The following PRKAG2 variants were observed in gnomAD, a reference collection of about 807,000 sequenced individuals.
PRKAG2 encodes protein kinase AMP-activated non-catalytic subunit gamma 2, also known as 5'-AMP-activated protein kinase subunit gamma-2.
Under a neutral mutation model 69.6 loss-of-function variants are expected in PRKAG2, and 26 were observed. That is an observed-to-expected ratio of 0.37 (90% CI 0.27 to 0.52). The LOEUF (loss-of-function observed/expected upper bound fraction) is 0.52, where lower values mean the gene tolerates loss of function less well. Among genes scored for constraint, PRKAG2 ranks in the 20% least tolerant of loss-of-function variants. The pLI, the probability that PRKAG2 is intolerant of heterozygous loss-of-function variation, is 0.90. For synonymous variants in PRKAG2, 293 were observed against 285.0 expected (o/e 1.03, Z -0.28); for missense variants, 557 against 740.0 (o/e 0.75, Z 2.87).
chr7:151,857,695 C>G (rs2079820401), intron 1 of PRKAG2, among the ~76,000 whole-genome samples: 1 of 152,222 alleles, frequency 6.6e-6, no homozygotes, highest in African/African-American at 2.4e-5. Flanking sequence ...AGTCAGCTGC[C>G]ACCCACGCAT....
At chr7:151,862,877 G>A (rs901949472) in intron 1 of PRKAG2, among the ~76,000 whole-genome samples, 6 of 151,668 alleles carry the variant, frequency 4.0e-5, no homozygotes, top group African/African-American at 1.5e-4. Context: ...GGCACTGGTA[G>A]GTCTCTGGGT....
chr7:151,694,219 G>A (rs985398864), intron 3 of PRKAG2, among the ~76,000 whole-genome samples: 3 of 152,212 alleles, frequency 2.0e-5, no homozygotes, highest in Non-Finnish European at 2.9e-5. Context: ...GTATGATTAC[G>A]GCAGCCTAAA....
At chr7:151,564,504 C>T (rs1051662643) in intron 13 of PRKAG2, among the ~76,000 whole-genome samples, 1 of 152,156 alleles carries the variant, frequency 6.6e-6, no homozygotes, top group African/African-American at 2.4e-5. Context: ...AAAGACTGCC[C>T]CCCAATTTTT....
chr7:151,868,403 C>G (rs577849506), intron 1 of PRKAG2, among the ~76,000 whole-genome samples: 6 of 152,308 alleles, frequency 3.9e-5, no homozygotes, highest in Admixed American at 6.5e-5. Context: ...CTAAGAACTC[C>G]GTATGGTTAA....
In PRKAG2 at chr7:151,828,821, G is replaced by A. The variant is rs1231073419; in HGVS notation, c.115-42280C>T. On this transcript the variant is annotated intron_variant, in intron 1 of 15. Transcript: ENST00000287878. This position sits in a 1 kb window ranked among gnomAD's most constrained non-coding sequence, Gnocchi z 4.6. The stretch of plus-strand genomic sequence containing the variant: ...GGCTACTGAGGAGGCTGAGGTGGAA[G>A]GATCACTTAAGCTCAGGAGTTTGAG... 6.6e-6 allele frequency among the ~76,000 whole-genome samples: 1 copy of A among 152,116 alleles called. No individual in the cohort carries two copies. Among genetic ancestry groups the A allele is most frequent in the African/African-American group, 2.4e-5 (1 of 41,408 alleles).
At chr7:151,591,472 T>A (rs1035658739) in intron 6 of PRKAG2, among the ~76,000 whole-genome samples, 1 of 152,116 alleles carries the variant, frequency 6.6e-6, no homozygotes, top group Non-Finnish European at 1.5e-5. Context: ...GGGCAGAGCA[T>A]GAGGGACAGA....
At chr7:151,712,406 T>C (rs559966920) in intron 3 of PRKAG2, among the ~76,000 whole-genome samples, 16 of 152,342 alleles carry the variant, frequency 1.1e-4, no homozygotes, top group African/African-American at 3.8e-4. Flanking sequence ...GCAGTGACTC[T>C]ACACTCAGGA....
intron 3 of PRKAG2, among the ~76,000 whole-genome samples, chr7:151,712,013 C>T (rs567919858): frequency 1.3e-5 from 2 of 152,182 alleles, no homozygotes; most frequent in East Asian, 1.9e-4. Flanking sequence ...GGCTGTGTCT[C>T]GGGTGATGGA....
chr7:151,860,810 T>C (rs370293848), intron 1 of PRKAG2, among the ~76,000 whole-genome samples: 5 of 152,174 alleles, frequency 3.3e-5, no homozygotes, highest in African/African-American at 1.2e-4. Flanking sequence ...CAGGGAACAC[T>C]GTCTCCCCTT....
intron 3 of PRKAG2, among the ~76,000 whole-genome samples, chr7:151,695,075 G>T (rs960678023): frequency 1.3e-5 from 2 of 152,216 alleles, no homozygotes; most frequent in Admixed American, 1.3e-4. Flanking sequence ...TGTGCTGTTG[G>T]AGGAATCCTG....
Position 151,672,552 on chromosome 7 carries a change from G to A in PRKAG2, c.684+2868C>T, listed in dbSNP as rs1241271485. ...TAACTCATCTTTTCCCCTCCCCCCA[G>A]CCCCCGGTACCCACCATTCTACATT... On this transcript the variant is annotated intron_variant, in intron 4 of 15. Coordinates refer to ENST00000287878, the MANE Select transcript of PRKAG2 (RefSeq NM_016203.4). 2.0e-5 allele frequency among the ~76,000 whole-genome samples: 3 copies of A among 149,504 alleles called. No individual in the cohort carries two copies. The East Asian group carries it at 5.9e-4, about 29-fold the overall frequency.
rs1233369684 is a variant in PRKAG2, at chr7:151,814,914, A to ACT, written c.115-28374_115-28373insAG. ...CCAGCAGGAGGGAGGGCTGGACCGG[A>ACT]GCTTTTAAAAAGACAGGCAGCAGGA... On this transcript the variant is annotated intron_variant, in intron 1 of 15. Coordinates refer to ENST00000287878, the MANE Select transcript of PRKAG2 (RefSeq NM_016203.4). This position sits in a 1 kb window ranked among gnomAD's most constrained non-coding sequence, Gnocchi z 4.8. 2.8e-5 allele frequency: 34 copies of ACT among 1,223,112 alleles called. No homozygotes were observed. Among genetic ancestry groups the ACT allele is most frequent in the Non-Finnish European group, 3.2e-5 (31 of 980,664 alleles). 75.8% of individuals were successfully genotyped at this position (1,223,112 alleles called of 1,614,324 possible). A position where few individuals can be genotyped will look rare whatever the true frequency, so the allele number is the denominator to read the frequency against.
chr7:151,859,812 C>T (rs1004266812), intron 1 of PRKAG2, among the ~76,000 whole-genome samples: 2 of 152,220 alleles, frequency 1.3e-5, no homozygotes, highest in Non-Finnish European at 2.9e-5. Flanking sequence ...TGTCCAGTGC[C>T]AAGCAGTTGA....
In PRKAG2 at chr7:151,876,881, C is replaced by CGG. The variant is rs2080418276; in HGVS notation, c.-263_-262dup. 3.6e-6 allele frequency: 2 copies of CGG among 556,012 alleles called. No individual in the cohort carries two copies. Among genetic ancestry groups the CGG allele is most frequent in the South Asian group, 4.1e-5 (2 of 48,956 alleles). 34.4% of individuals were successfully genotyped at this position (556,012 alleles called of 1,614,324 possible). On this transcript the variant is annotated 5_prime_UTR_variant, in exon 1 of 16. Transcript: ENST00000287878. ...GCCCGTCCCGGTTCTGGTGTCTCCC[C>CGG]GGGTTACTCGTGGCTGAGGTCTCCC...
intron 1 of PRKAG2, among the ~76,000 whole-genome samples, chr7:151,843,905 G>A (rs2079369257): frequency 6.6e-6 from 1 of 152,256 alleles, no homozygotes; most frequent in South Asian, 2.1e-4. Context: ...CCCAGCCAGG[G>A]AAGGTGAGCA....
At chr7:151,729,167 A>AG (rs1798503073) in intron 3 of PRKAG2, among the ~76,000 whole-genome samples, 1 of 16,692 alleles carries the variant, frequency 6.0e-5, no homozygotes, top group African/African-American at 2.5e-4. Flanking sequence ...TGGGGCGGAC[A>AG]GGGGGTGGCG....
intron 15 of PRKAG2, 153 bp from the exon 16 acceptor site, chr7:151,557,385 T>C: frequency 1.0e-6 from 1 of 985,204 alleles, no homozygotes; most frequent in Non-Finnish European, 1.2e-6. Flanking sequence ...TGGCCCAAGC[T>C]CCCATCTCCC....
At chr7:151,832,510 G>A (rs7788721) in intron 1 of PRKAG2, among the ~76,000 whole-genome samples, 101,332 of 151,136 alleles carry the variant, frequency 0.67, 34,974 homozygotes, top group Middle Eastern at 0.77. Context: ...GAGGGTCAGG[G>A]CGGCTGAACA....
intron 12 of PRKAG2, 135 bp downstream of exon 12, chr7:151,565,585 G>T: frequency 8.1e-7 from 1 of 1,233,520 alleles, no homozygotes. Context: ...GATCCTGCGT[G>T]CCCCTTGGTG....
Sources: gnomAD v4.1 joint callset for allele counts (sites outside exome capture counted in the v4.1 genomes callset) on GRCh38, gnomAD v4.1.1 for gene constraint, Gnocchi (gnomAD v3.1) non-coding constraint, MANE v1.5 for transcripts, NCBI Gene and HGNC (gene_info 2026-07-23, HGNC 2026-07-21) for gene names.